Variants in MON2 observed in about 807,000 individuals in gnomAD.
The protein encoded by MON2 is MON2 regulator of endosome-to-Golgi trafficking, also known as protein MON2 homolog.
A neutral mutation model predicts 208.6 loss-of-function variants in MON2; 84 were observed. That is an observed-to-expected ratio of 0.40 (90% CI 0.34 to 0.48). MON2 has a LOEUF of 0.48. Ranked by LOEUF, MON2 falls within the 20% of genes least tolerant of loss-of-function variation. MON2 has a pLI of 0.59. For missense variants in MON2, 1,611 were observed against 2,015.4 expected (o/e 0.80, Z 3.84); for synonymous variants, 660 against 694.0 (o/e 0.95, Z 0.77).
intron 24 of MON2, among the ~76,000 whole-genome samples, chr12:62,554,699 T>C (rs2073892871): frequency 6.6e-6 from 1 of 152,090 alleles, no homozygotes; most frequent in East Asian, 1.9e-4. Flanking sequence ...TCTCACCATA[T>C]TGCCCCGGCT....
Position 62,538,508 on chromosome 12 carries a change from G to A in MON2, c.2364+3G>A, listed in dbSNP as rs1271977039. On this transcript the variant is annotated splice_donor_region_variant and intron_variant, in intron 19 of 34. Coordinates refer to ENST00000393630, the MANE Select transcript of MON2 (RefSeq NM_015026.3). Reference sequence around the variant, plus strand: ...ATATGGCCTATGGAAATAATAAGGTGTGATATTCTACCTTTCTGTTTTAGA... The same window carrying A: ...ATATGGCCTATGGAAATAATAAGGTATGATATTCTACCTTTCTGTTTTAGA... 6.4e-7 allele frequency: 1 copy of A among 1,559,504 alleles called. No homozygotes were observed. Among genetic ancestry groups the A allele is most frequent in the South Asian group, 1.1e-5 (1 of 89,782 alleles).
intron 2 of MON2, among the ~76,000 whole-genome samples, chr12:62,487,346 A>C (rs948285090): frequency 2.0e-5 from 3 of 152,146 alleles, no homozygotes; most frequent in African/African-American, 7.2e-5. Context: ...TACAAGAATT[A>C]CATAATCTGC....
At position 62,492,348 on chromosome 12, in the gene MON2, T is replaced by G. The variant is rs192009762; in HGVS notation, c.176-1567T>G. Among the ~76,000 whole-genome samples the G allele has an allele frequency of 3.8e-3, 567 of 150,794 alleles. 1 individual carries two copies. The highest frequency in any genetic ancestry group is 5.3e-3 in the Non-Finnish European group (360 of 67,724). On this transcript the variant is annotated intron_variant, in intron 2 of 34. Coordinates refer to ENST00000393630, the MANE Select transcript of MON2 (RefSeq NM_015026.3). ...TGCATGTCTTGCCTCAAAAAATAAC[T>G]GATAGAGTTAGTTCTTTTTTTTTTT...
chr12:62,472,339 G>T lies in MON2; in HGVS notation c.111+5021G>T, dbSNP rs114662725. 1.8e-3 allele frequency among the ~76,000 whole-genome samples: 270 copies of T among 152,342 alleles called. 1 individual carries two copies. The highest frequency in any genetic ancestry group is 6.4e-3 in the African/African-American group (264 of 41,568). On this transcript the variant is annotated intron_variant, in intron 1 of 34. Coordinates refer to ENST00000393630, the MANE Select transcript of MON2 (RefSeq NM_015026.3). ...GAGGATGATGAAGTCCAGGGAATGG[G>T]TGGTAGAAGAGTAAAGGGAAAGAAG...
At chr12:62,475,630 C>T (rs1384748671) in intron 1 of MON2, among the ~76,000 whole-genome samples, 1 of 149,562 alleles carries the variant, frequency 6.7e-6, no homozygotes, top group African/African-American at 2.4e-5. Flanking sequence ...GTCATGAACT[C>T]CTGACCTCAT....
In MON2 at chr12:62,549,649, A is replaced by G. The variant is rs1365380708; in HGVS notation, c.2754-19A>G. Reference sequence around the variant, plus strand: ...ATAAATAAAATAAGTGCATCTGTATACATTTCTTTTGTTTTCAGAGAATCC... The same window carrying G: ...ATAAATAAAATAAGTGCATCTGTATGCATTTCTTTTGTTTTCAGAGAATCC... On this transcript the variant is annotated intron_variant, in intron 22 of 34. Coordinates refer to ENST00000393630, the MANE Select transcript of MON2 (RefSeq NM_015026.3). The G allele has an allele frequency of 3.2e-6, 5 of 1,575,234 alleles. No homozygotes were observed. The highest frequency in any genetic ancestry group is 4.3e-6 in the Non-Finnish European group (5 of 1,165,030).
At chr12:62,540,612 AC>A (rs2073191101) in intron 19 of MON2, among the ~76,000 whole-genome samples, 1 of 152,208 alleles carries the variant, frequency 6.6e-6, no homozygotes, top group Non-Finnish European at 1.5e-5. Flanking sequence ...AGCAACAGAT[AC>A]GATTTTTAAG....
intron 12 of MON2, among the ~76,000 whole-genome samples, chr12:62,534,542 A>ATATATTTT: frequency 4.4e-5 from 1 of 22,850 alleles, no homozygotes; most frequent in East Asian, 1.7e-3. Context: ...AAAAAAAAAA[A>ATATATTTT]ATATATATAT....
chr12:62,594,260 ATAT>A lies in MON2; in HGVS notation c.*1515_*1517del, dbSNP rs879931241. The A allele has an allele frequency of 1.9e-4, 29 of 152,282 alleles. No individual in the cohort carries two copies. Among genetic ancestry groups the A allele is most frequent in the South Asian group, 4.1e-4 (2 of 4,828 alleles). 9.4% of individuals were successfully genotyped at this position (152,282 alleles called of 1,614,324 possible). ...AGAATAATCATAAAACTGCAAAAAG[ATAT>A]TATAATTGAGTCATGATTGAGATAC... is the stretch of plus-strand genomic sequence containing the variant. On this transcript the variant is annotated 3_prime_UTR_variant, in exon 35 of 35. Coordinates refer to ENST00000393630, the MANE Select transcript of MON2 (RefSeq NM_015026.3).
At chr12:62,533,972 T>C (rs909126583) in intron 12 of MON2, among the ~76,000 whole-genome samples, 4 of 152,222 alleles carry the variant, frequency 2.6e-5, no homozygotes, top group African/African-American at 4.8e-5. Context: ...TATTTACTTA[T>C]TTGCTTGATT....
At position 62,598,247 on chromosome 12, in the gene MON2, C is replaced by T. The variant is rs889100877; in HGVS notation, c.*5498C>T. 3 of 152,088 alleles carry T rather than the reference C, an allele frequency of 2.0e-5. No individual in the cohort carries two copies. Among genetic ancestry groups the T allele is most frequent in the Admixed American group, 6.5e-5 (1 of 15,268 alleles). 9.4% of individuals were successfully genotyped at this position (152,088 alleles called of 1,614,324 possible). ...TACTATGGTATTGATTCTATCCCCT[C>T]AAGTATGAAAAAATTAAATTTTCAG... On this transcript the variant is annotated 3_prime_UTR_variant, in exon 35 of 35. Transcript: ENST00000393630.
At chr12:62,471,078 GGA>G (rs1270985418) in intron 1 of MON2, among the ~76,000 whole-genome samples, 1 of 152,174 alleles carries the variant, frequency 6.6e-6, no homozygotes, top group Non-Finnish European at 1.5e-5. Flanking sequence ...TTTATATAAT[GGA>G]GAGAGAGAAA....
At chr12:62,520,882 TTA>T (rs2071996429) in intron 8 of MON2, among the ~76,000 whole-genome samples, 1 of 141,812 alleles carries the variant, frequency 7.1e-6, no homozygotes, top group Non-Finnish European at 1.5e-5. Flanking sequence ...TGTAAAGATA[TTA>T]TTTTTTTTGA....
intron 3 of MON2, among the ~76,000 whole-genome samples, chr12:62,494,359 CTCTT>C (rs1186089733): frequency 2.0e-5 from 3 of 152,088 alleles, no homozygotes; most frequent in Non-Finnish European, 4.4e-5. Context: ...GAGCGTGACT[CTCTT>C]TCCTAGATTA....
intron 1 of MON2, among the ~76,000 whole-genome samples, chr12:62,468,642 GAT>G (rs1296750992): frequency 7.2e-5 from 11 of 152,044 alleles, no homozygotes; most frequent in African/African-American, 2.7e-4. Flanking sequence ...TGGCTGTTAC[GAT>G]ATGTTTTATT....
chr12:62,542,734 C>CCTACTTCTTGACATTCA (rs1213372047), intron 19 of MON2, among the ~76,000 whole-genome samples: 5 of 151,982 alleles, frequency 3.3e-5, no homozygotes, highest in African/African-American at 1.2e-4. Flanking sequence ...TCTCTTTTTC[C>CCTACTTCTTGACATTCA]CTACTTCTTG....
chr12:62,561,176 C>G, intron 26 of MON2, 63 bp downstream of exon 26: 1 of 1,380,152 alleles, frequency 7.2e-7, no homozygotes, highest in South Asian at 1.5e-5. Flanking sequence ...TTTTATTTTG[C>G]TATATATTTG....
intron 23 of MON2, 141 bp from the exon 24 acceptor site, chr12:62,552,740 A>G (rs1459804472): frequency 1.5e-5 from 9 of 613,722 alleles, no homozygotes; most frequent in Middle Eastern, 4.4e-4. Flanking sequence ...GTTTTCATTG[A>G]ATCTATTCTA....
chr12:62,495,444 AAG>A (rs1407002502), intron 4 of MON2, among the ~76,000 whole-genome samples: 1 of 151,934 alleles, frequency 6.6e-6, no homozygotes, highest in African/African-American at 2.4e-5. Flanking sequence ...GGAGGGAACT[AAG>A]AAAAAAAAAA....
Sources: gnomAD v4.1 joint callset for allele counts (sites outside exome capture counted in the v4.1 genomes callset) on GRCh38, gnomAD v4.1.1 for gene constraint, MANE v1.5 for transcripts, NCBI Gene and HGNC (gene_info 2026-07-23, HGNC 2026-07-21) for gene names.